Variants in BTBD10 observed in about 807,000 individuals in gnomAD.
BTBD10 encodes BTB domain containing 10, also known as BTB/POZ domain-containing protein 10.
Under a neutral mutation model 53.2 loss-of-function variants are expected in BTBD10, and 21 were observed. The observed-to-expected ratio is 0.39, with a 90% CI of 0.28 to 0.57. The LOEUF is 0.57. BTBD10 is among the 20% of genes least tolerant of loss of function. The pLI is 0.53. For missense variants in BTBD10, 360 were observed against 594.7 expected, an observed-to-expected ratio of 0.61 and a Z score of 4.10; for synonymous variants, 149 against 192.7, an observed-to-expected ratio of 0.77 and a Z score of 1.88.
chr11:13,395,590 G>C (rs1949526155), intron 8 of BTBD10, among the ~76,000 whole-genome samples: 1 of 152,196 alleles, frequency 6.6e-6, no homozygotes, highest in Non-Finnish European at 1.5e-5. Context: ...TGCTTTTGGT[G>C]TTTTAGACAT....
chr11:13,404,519 TTGTTCACTCCTTTTCCTTAACAG>T, intron 7 of BTBD10: 1 of 721,782 alleles, frequency 1.4e-6, no homozygotes, highest in Non-Finnish European at 1.7e-6. Context: ...AGTTATAAGC[TTGTTCACTCCTTTTCCTTAACAG>T]AAAATAATTT....
intron 7 of BTBD10, chr11:13,404,604 A>T: frequency 1.0e-6 from 1 of 984,388 alleles, no homozygotes; most frequent in Non-Finnish European, 1.2e-6. Context: ...GGTTTTGTTC[A>T]ACTTTTTATT....
intron 2 of BTBD10, among the ~76,000 whole-genome samples, chr11:13,430,434 T>C (rs1950425463): frequency 6.6e-6 from 1 of 152,174 alleles, no homozygotes; most frequent in Non-Finnish European, 1.5e-5. Context: ...TGGAAAATGG[T>C]ACAACCATTT....
At chr11:13,435,324 T>G (rs1024339400) in intron 2 of BTBD10, among the ~76,000 whole-genome samples, 4 of 152,200 alleles carry the variant, frequency 2.6e-5, no homozygotes, top group African/African-American at 9.7e-5. Flanking sequence ...TTCTTGGTAC[T>G]GTTAATGATT....
chr11:13,395,280 T>G (rs1285073181), intron 8 of BTBD10, among the ~76,000 whole-genome samples: 1 of 152,144 alleles, frequency 6.6e-6, no homozygotes, highest in Non-Finnish European at 1.5e-5. Flanking sequence ...GATTTGCATT[T>G]CTCTGATGGC....
chr11:13,396,398 G>C (rs1949552601), intron 8 of BTBD10, among the ~76,000 whole-genome samples: 1 of 152,212 alleles, frequency 6.6e-6, no homozygotes, highest in Non-Finnish European at 1.5e-5. Context: ...TTTGTATCCT[G>C]AGACTTTGCT....
Position 13,421,665 on chromosome 11 carries a change from G to A in BTBD10, c.275C>T (p.Ser92Phe). Residue 92 changes from serine (S) to phenylalanine (F), a missense_variant, in exon 3 of 9, where the codon TCT (serine) becomes TTT (phenylalanine). Around this residue, in one of 6 missense-constraint regions of BTBD10, gnomAD observed 109 missense variants for 118.6 expected, o/e 0.92. Coordinates refer to ENST00000278174, the MANE Select transcript of BTBD10 (RefSeq NM_032320.7). Reference protein sequence around the residue: ...QLTPCIRNVTSPTRQHHVERE... With the variant: ...QLTPCIRNVTFPTRQHHVERE... ...ACCAACATGGTGCTGTCGTGTTGGAGAAGTCACATTTCTAATACAAGGAGT... is the reference window on the plus strand; with the variant it reads ...ACCAACATGGTGCTGTCGTGTTGGAAAAGTCACATTTCTAATACAAGGAGT... 6.2e-7 allele frequency: 1 copy of A among 1,613,718 alleles called. No individual in the cohort carries two copies. The highest frequency in any genetic ancestry group is 8.5e-7 in the Non-Finnish European group (1 of 1,179,874).
chr11:13,446,221 C>T (rs985884), intron 1 of BTBD10, among the ~76,000 whole-genome samples: 4,130 of 152,112 alleles, frequency 0.027, 139 homozygotes, highest in South Asian at 0.083. Context: ...TGTATACCTT[C>T]TATATACTTT....
intron 1 of BTBD10, among the ~76,000 whole-genome samples, chr11:13,459,080 G>T: frequency 7.0e-6 from 1 of 143,798 alleles, no homozygotes; most frequent in Non-Finnish European, 1.5e-5. Context: ...TTTTTGAGAC[G>T]GAGTCTCGCT....
At chr11:13,405,521 T>C in intron 7 of BTBD10, 138 bp downstream of exon 7, 1 of 864,712 alleles carries the variant, frequency 1.2e-6, no homozygotes, top group Non-Finnish European at 1.8e-6. Context: ...CCATAGGCAA[T>C]ACATAAAACT....
At chr11:13,398,055 G>A (rs560652742) in intron 8 of BTBD10, among the ~76,000 whole-genome samples, 1 of 152,150 alleles carries the variant, frequency 6.6e-6, no homozygotes, top group Non-Finnish European at 1.5e-5. Flanking sequence ...ATGTCTATTA[G>A]GTCTGCTTGG....
rs1015627198 is a variant in BTBD10, at chr11:13,399,533, T to A, written c.1117+3635A>T. On this transcript the variant is annotated intron_variant, in intron 8 of 8. Coordinates refer to ENST00000278174, the MANE Select transcript of BTBD10 (RefSeq NM_032320.7). ...CGGAGTAGTTTGATCTTCTGAAGCC[T>A]TCCTCTCTCAACTCGTCAAAGTCAT... Among the ~76,000 whole-genome samples the A allele has an allele frequency of 2.6e-5, 4 of 152,312 alleles. No individual in the cohort carries two copies. The East Asian group carries it at 7.7e-4, about 29-fold the overall frequency.
chr11:13,430,253 G>A (rs919925787), intron 2 of BTBD10, among the ~76,000 whole-genome samples: 17 of 152,114 alleles, frequency 1.1e-4, no homozygotes, highest in Non-Finnish European at 2.2e-4. Context: ...GAGATATGCA[G>A]ATGAAAAATA....
intron 1 of BTBD10, chr11:13,459,777 G>C (rs747327312): frequency 6.6e-6 from 1 of 152,150 alleles, no homozygotes; most frequent in African/African-American, 2.4e-5. Context: ...CCTAAGAATT[G>C]AGAGTCCCAA....
At position 13,459,364 on chromosome 11, in the gene BTBD10, T is replaced by C. The variant is rs143994541; in HGVS notation, c.-58+3728A>G. 3.4e-3 allele frequency among the ~76,000 whole-genome samples: 516 copies of C among 152,020 alleles called. 4 individuals carry two copies. Among genetic ancestry groups the C allele is most frequent in the African/African-American group, 0.011 (468 of 41,484 alleles). Reference sequence around the variant, plus strand: ...TGAGCCACCATGCCTGGCTGGCTGATTGCTACATTCTTTAGCAAACTAGGT... The same window carrying C: ...TGAGCCACCATGCCTGGCTGGCTGACTGCTACATTCTTTAGCAAACTAGGT... On this transcript the variant is annotated intron_variant, in intron 1 of 8. Transcript: ENST00000278174.
chr11:13,453,001 A>G (rs963733192), intron 1 of BTBD10, among the ~76,000 whole-genome samples: 10 of 152,136 alleles, frequency 6.6e-5, no homozygotes, highest in Admixed American at 6.5e-4. Flanking sequence ...CACATGGTAT[A>G]ACTACACTAA....
intron 8 of BTBD10, among the ~76,000 whole-genome samples, chr11:13,398,478 G>C (rs1476507346): frequency 6.6e-6 from 1 of 152,000 alleles, no homozygotes; most frequent in African/African-American, 2.4e-5. Flanking sequence ...CACACTGATG[G>C]GTCTTGACTC....
At chr11:13,453,633 T>G (rs1950908324) in intron 1 of BTBD10, among the ~76,000 whole-genome samples, 1 of 152,214 alleles carries the variant, frequency 6.6e-6, no homozygotes, top group East Asian at 1.9e-4. Flanking sequence ...TGATAGAATA[T>G]GTTTCTGCCA....
chr11:13,431,357 C>T (rs11022824), intron 2 of BTBD10, among the ~76,000 whole-genome samples: 23,900 of 152,042 alleles, frequency 0.16, 2,078 homozygotes, highest in Admixed American at 0.24. Context: ...GTAAACTTAC[C>T]ACAAAAGCCC....
Sources: gnomAD v4.1 joint callset for allele counts (sites outside exome capture counted in the v4.1 genomes callset) on GRCh38, gnomAD v4.1.1 for gene constraint, gnomAD v4.1.1 regional missense constraint, MANE v1.5 for transcripts, NCBI Gene and HGNC (gene_info 2026-07-23, HGNC 2026-07-21) for gene names.